PRDM16: variants seen among roughly 807,000 people sequenced by gnomAD.
PRDM16 encodes the protein histone-lysine N-methyltransferase PRDM16.
Under a neutral mutation model 110.6 loss-of-function variants are expected in PRDM16, and 23 were observed. The ratio of observed to expected loss-of-function variants is 0.21; its 90% CI spans 0.15 to 0.29. The LOEUF (loss-of-function observed/expected upper bound fraction) is 0.29, where lower values mean the gene tolerates loss of function less well. Among genes scored for constraint, PRDM16 ranks in the 10% least tolerant of loss-of-function variants. PRDM16 has a pLI of 1.00. For missense variants in PRDM16, 1,615 were observed against 1,794.3 expected (o/e 0.90, Z 1.81); for synonymous variants, 799 against 781.8 (o/e 1.02, Z -0.37).
intron 1 of PRDM16, among the ~76,000 whole-genome samples, chr1:3,072,472 G>A (rs977821699): frequency 1.3e-5 from 2 of 152,210 alleles, no homozygotes; most frequent in African/African-American, 2.4e-5. Context: ...TAGCCCCTGG[G>A]GTGGGGGAGC....
At chr1:3,085,826 C>T (rs546206789) in intron 1 of PRDM16, among the ~76,000 whole-genome samples, 1 of 152,240 alleles carries the variant, frequency 6.6e-6, no homozygotes, top group Non-Finnish European at 1.5e-5. Flanking sequence ...CCTACCAGGC[C>T]TACAGGGCCC....
chr1:3,091,329 A>T (rs1010743562), intron 1 of PRDM16, among the ~76,000 whole-genome samples: 4 of 152,114 alleles, frequency 2.6e-5, no homozygotes, highest in Non-Finnish European at 5.9e-5. Flanking sequence ...CGTTACCAGC[A>T]CTGGACTTGA....
At chr1:3,365,236 GTCC>G (rs1280780336) in intron 3 of PRDM16, among the ~76,000 whole-genome samples, 2 of 152,166 alleles carry the variant, frequency 1.3e-5, no homozygotes, top group African/African-American at 2.4e-5. Context: ...CTGTGCCGCC[GTCC>G]TCCTCTGCCA....
chr1:3,318,083 G>A (rs1641653938), intron 3 of PRDM16, among the ~76,000 whole-genome samples: 1 of 152,204 alleles, frequency 6.6e-6, no homozygotes, highest in African/African-American at 2.4e-5. Flanking sequence ...AAGGGTTCGG[G>A]GTAATTGCAG....
rs1638837653 is a variant in PRDM16, at chr1:3,209,699, G to T, written c.387+23225G>T. Among the ~76,000 whole-genome samples, 1 of 152,208 alleles carries T rather than the reference G, an allele frequency of 6.6e-6. No homozygotes were observed. Among genetic ancestry groups the T allele is most frequent in the South Asian group, 2.1e-4 (1 of 4,834 alleles). On this transcript the variant is annotated intron_variant, in intron 2 of 16. Transcript: ENST00000270722. The surrounding 1 kb of genome is among the most constrained non-coding windows in gnomAD (Gnocchi z 4.6). ...GAGGTTTAGTTGTCAACGGCCACCA[G>T]GAACCACAGCCCTCCCGCCCCCCAC... is the stretch of plus-strand genomic sequence containing the variant.
chr1:3,282,981 C>T (rs565170288), intron 3 of PRDM16, among the ~76,000 whole-genome samples: 4 of 152,376 alleles, frequency 2.6e-5, no homozygotes, highest in Admixed American at 1.3e-4. Context: ...TTCTTTGACA[C>T]TGTCATCTTT....
At chr1:3,402,691 C>T in intron 5 of PRDM16, 100 bp from the exon 6 acceptor site, 1 of 1,059,538 alleles carries the variant, frequency 9.4e-7, no homozygotes, top group Non-Finnish European at 1.4e-6. Flanking sequence ...GGTGCAGGCC[C>T]TGAGGCACCG....
At chr1:3,112,294 C>T (rs1642813496) in intron 1 of PRDM16, among the ~76,000 whole-genome samples, 2 of 152,220 alleles carry the variant, frequency 1.3e-5, no homozygotes, top group African/African-American at 4.8e-5. Context: ...ACGGCTTTGT[C>T]CCCAAATTCC....
chr1:3,241,049 C>T (rs1436638556), intron 2 of PRDM16, among the ~76,000 whole-genome samples: 2 of 152,236 alleles, frequency 1.3e-5, no homozygotes, highest in South Asian at 2.1e-4. Flanking sequence ...GGGTTTTCAG[C>T]GGAGCGGCGG....
intron 10 of PRDM16, among the ~76,000 whole-genome samples, chr1:3,416,638 C>T (rs1638272407): frequency 6.6e-6 from 1 of 152,220 alleles, no homozygotes; most frequent in South Asian, 2.1e-4. Flanking sequence ...CCTGCCTCAC[C>T]CTTGCCCTCC....
At position 3,404,290 on chromosome 1, in the gene PRDM16, C is replaced by A. The variant is rs566913340; in HGVS notation, c.885-449C>A. On this transcript the variant is annotated intron_variant, in intron 6 of 16. Transcript: ENST00000270722. ...CACCTGGAGACCCCCGAGTGACTCC[C>A]GACCTGCGTCCTCGGTGTGTGCCCA... Among the ~76,000 whole-genome samples the A allele has an allele frequency of 8.5e-5, 13 of 152,314 alleles. No homozygotes were observed. The South Asian group carries it at 1.2e-3, about 15-fold the overall frequency.
intron 4 of PRDM16, among the ~76,000 whole-genome samples, chr1:3,386,104 C>A (rs1217518209): frequency 2.0e-5 from 3 of 152,210 alleles, no homozygotes; most frequent in Non-Finnish European, 2.9e-5. Flanking sequence ...GCCTCCCGGG[C>A]GGCACTTTCC....
chr1:3,310,400 G>A (rs1641421771), intron 3 of PRDM16, among the ~76,000 whole-genome samples: 2 of 152,144 alleles, frequency 1.3e-5, no homozygotes, highest in Admixed American at 6.5e-5. Flanking sequence ...TGAGCCCGGT[G>A]ACCCTGAGCC....
rs199987339 is a variant in PRDM16, at chr1:3,314,072, G to A, written c.438+69935G>A. Reference sequence around the variant, plus strand: ...CCCCCGAATGCCGTCCTTCCCCACCGGGGGGGGGGGCGGGAACATAAAATG... The same window carrying A: ...CCCCCGAATGCCGTCCTTCCCCACCAGGGGGGGGGGCGGGAACATAAAATG... On this transcript the variant is annotated intron_variant, in intron 3 of 16. Coordinates refer to ENST00000270722, the MANE Select transcript of PRDM16 (RefSeq NM_022114.4). Among the ~76,000 whole-genome samples the A allele has an allele frequency of 1.4e-4, 15 of 110,186 alleles. 1 individual carries two copies. The highest frequency in any genetic ancestry group is 4.3e-4 in the African/African-American group (13 of 30,058). The allele number at this position is 110,186 out of a possible 152,430, so 72.3% of individuals were successfully genotyped here.
intron 3 of PRDM16, among the ~76,000 whole-genome samples, chr1:3,374,879 C>T (rs1017794307): frequency 1.1e-4 from 16 of 152,182 alleles, no homozygotes; most frequent in Non-Finnish European, 1.9e-4. Flanking sequence ...AGCAGCCAGG[C>T]GGGGGAGCAG....
Position 3,245,196 on chromosome 1 carries a change from G to A in PRDM16, c.438+1059G>A, listed in dbSNP as rs1017887470. On this transcript the variant is annotated intron_variant, in intron 3 of 16. Transcript: ENST00000270722. The surrounding 1 kb of genome is among the most constrained non-coding windows in gnomAD (Gnocchi z 4.7). ...ATTCCGTGACGCAGCATATGGGCTTGAGGGGTACTGGCAGCCTTGTGGTTA... is the reference window on the plus strand; with the variant it reads ...ATTCCGTGACGCAGCATATGGGCTTAAGGGGTACTGGCAGCCTTGTGGTTA... Among the ~76,000 whole-genome samples, 1 of 152,166 alleles carries A rather than the reference G, an allele frequency of 6.6e-6. No individual in the cohort carries two copies. The highest frequency in any genetic ancestry group is 2.4e-5 in the African/African-American group (1 of 41,436).
At chr1:3,132,442 A>AG (rs1399883843) in intron 1 of PRDM16, among the ~76,000 whole-genome samples, 1 of 152,156 alleles carries the variant, frequency 6.6e-6, no homozygotes, top group East Asian at 1.9e-4. Context: ...AACCTTCTAG[A>AG]GGGGCACACA....
rs1417598938 is a variant in PRDM16 at position 3,290,802 on chromosome 1, G to A, written c.438+46665G>A. Among the ~76,000 whole-genome samples, 1 of 152,062 alleles carries A rather than the reference G, an allele frequency of 6.6e-6. No homozygotes were observed. Among genetic ancestry groups the A allele is most frequent in the Non-Finnish European group, 1.5e-5 (1 of 68,026 alleles). On this transcript the variant is annotated intron_variant, in intron 3 of 16. Transcript: ENST00000270722. The surrounding 1 kb of genome is among the most constrained non-coding windows in gnomAD (Gnocchi z 4.8). ...CAGGCCCTACGAGATCCCTGAAACGGGATACGCCGAGCTGAACTTGGCCAC... is the reference window on the plus strand; with the variant it reads ...CAGGCCCTACGAGATCCCTGAAACGAGATACGCCGAGCTGAACTTGGCCAC...
chr1:3,386,142 T>TCAGGGTGCC (rs1553171586), intron 4 of PRDM16, among the ~76,000 whole-genome samples: 54 of 151,490 alleles, frequency 3.6e-4, no homozygotes, highest in African/African-American at 1.2e-3. Flanking sequence ...CGTGCGTTCC[T>TCAGGGTGCC]CGGGGTGCCC....
Sources: gnomAD v4.1 joint callset for allele counts (sites outside exome capture counted in the v4.1 genomes callset) on GRCh38, gnomAD v4.1.1 for gene constraint, Gnocchi (gnomAD v3.1) non-coding constraint, MANE v1.5 for transcripts, NCBI Gene and HGNC (gene_info 2026-07-23, HGNC 2026-07-21) for gene names.